The following AKAP13 variants were observed in gnomAD, a reference collection of about 807,000 sequenced individuals.
The protein encoded by AKAP13 is A-kinase anchoring protein 13, also known as A-kinase anchor protein 13.
A neutral mutation model predicts 264.5 loss-of-function variants in AKAP13; 80 were observed. The observed-to-expected ratio is 0.30, with a 90% CI of 0.25 to 0.36. AKAP13 has a LOEUF of 0.36. Ranked by LOEUF, AKAP13 falls within the 10% of genes least tolerant of loss-of-function variation. The pLI is 1.00. For synonymous variants in AKAP13, 1,380 were observed against 1,250.2 expected, an observed-to-expected ratio of 1.10 and a Z score of -2.19; for missense variants, 3,712 against 3,435.2, an observed-to-expected ratio of 1.08 and a Z score of -2.01.
intron 5 of AKAP13, chr15:85,555,577 C>T: frequency 1.1e-6 from 1 of 908,200 alleles, no homozygotes; most frequent in African/African-American, 1.7e-5. Flanking sequence ...TGTAACTCAA[C>T]CTGAAGCATC....
At chr15:85,476,685 C>G (rs1208670865) in intron 1 of AKAP13, among the ~76,000 whole-genome samples, 1 of 152,132 alleles carries the variant, frequency 6.6e-6, no homozygotes, top group Non-Finnish European at 1.5e-5. Flanking sequence ...TTGTCTCTGT[C>G]TCTGAATTAC....
rs535694833 is a variant in AKAP13 at position 85,690,649 on chromosome 15, C to T, written c.5290-2628C>T. 3.3e-5 allele frequency among the ~76,000 whole-genome samples: 5 copies of T among 152,300 alleles called. No homozygotes were observed. In the East Asian group the frequency reaches 7.7e-4, roughly 23 times the overall value. ...GAATCATAGATCTAGCAATTATTTACCATTTCATTACAGTGGTTGGGTTCT... is the reference window on the plus strand; with the variant it reads ...GAATCATAGATCTAGCAATTATTTATCATTTCATTACAGTGGTTGGGTTCT... On this transcript the variant is annotated intron_variant, in intron 16 of 36. Transcript: ENST00000394518.
At chr15:85,586,453 C>A (rs1355061346) in intron 8 of AKAP13, among the ~76,000 whole-genome samples, 2 of 152,150 alleles carry the variant, frequency 1.3e-5, no homozygotes, top group African/African-American at 4.8e-5. Context: ...ATCCACCTGC[C>A]TCAGCCTCCC....
At position 85,726,393 on chromosome 15, in the gene AKAP13, C is replaced by G. The variant is rs1432538072; in HGVS notation, c.6746-17C>G. On this transcript the variant is annotated splice_polypyrimidine_tract_variant and intron_variant, in intron 26 of 36. Coordinates refer to ENST00000394518, the MANE Select transcript of AKAP13 (RefSeq NM_007200.5). ...AGTCATCGTTTTATCTTCCCTTCTC[C>G]CATTTCCATTTTCCAGAGGTTCAAG... 3 of 1,606,636 alleles carry G rather than the reference C, an allele frequency of 1.9e-6. No homozygotes were observed. Among genetic ancestry groups the G allele is most frequent in the Non-Finnish European group, 2.6e-6 (3 of 1,175,122 alleles).
chr15:85,395,678 GTT>G (rs1187807796), intron 1 of AKAP13, among the ~76,000 whole-genome samples: 2 of 152,108 alleles, frequency 1.3e-5, no homozygotes, highest in African/African-American at 4.8e-5. Flanking sequence ...AACCTAGCTG[GTT>G]TCCAAACAAT....
chr15:85,662,787 C>A lies in AKAP13; in HGVS notation c.4800-1776C>A, dbSNP rs375507627. 5.9e-5 allele frequency among the ~76,000 whole-genome samples: 9 copies of A among 152,308 alleles called. No homozygotes were observed. In the East Asian group the frequency reaches 1.4e-3, roughly 23 times the overall value. On this transcript the variant is annotated intron_variant, in intron 12 of 36. Coordinates refer to ENST00000394518, the MANE Select transcript of AKAP13 (RefSeq NM_007200.5). Reference sequence around the variant, plus strand: ...GAAAACAATCAAAGAACCAAGGCAGCTAATAAGATGCACTGATTTCTATTA... The same window carrying A: ...GAAAACAATCAAAGAACCAAGGCAGATAATAAGATGCACTGATTTCTATTA...
chr15:85,494,135 C>A (rs2075808435), intron 2 of AKAP13, among the ~76,000 whole-genome samples: 1 of 152,200 alleles, frequency 6.6e-6, no homozygotes, highest in Non-Finnish European at 1.5e-5. Flanking sequence ...TCCTCTGGAA[C>A]AGATAAATTA....
intron 19 of AKAP13, among the ~76,000 whole-genome samples, chr15:85,711,020 T>A (rs976177726): frequency 1.4e-4 from 22 of 152,164 alleles, no homozygotes; most frequent in South Asian, 1.0e-3. Flanking sequence ...CTTTTTTTTT[T>A]TTATTATTTT....
intron 1 of AKAP13, among the ~76,000 whole-genome samples, chr15:85,472,228 C>T (rs752550888): frequency 9.9e-5 from 15 of 151,302 alleles, no homozygotes; most frequent in Non-Finnish European, 2.1e-4. Context: ...AAGCAGGAAG[C>T]TGGTGCAGTG....
At chr15:85,441,767 G>GTTT (rs58189804) in intron 1 of AKAP13, among the ~76,000 whole-genome samples, 2 of 150,096 alleles carry the variant, frequency 1.3e-5, no homozygotes, top group African/African-American at 4.9e-5. Flanking sequence ...TCTCTTAAAA[G>GTTT]TTTTTTTTTT....
intron 1 of AKAP13, among the ~76,000 whole-genome samples, chr15:85,475,620 C>T (rs1445648918): frequency 6.6e-6 from 1 of 152,226 alleles, no homozygotes; most frequent in Non-Finnish European, 1.5e-5. Flanking sequence ...AATTCCCCAG[C>T]TCTGGTCCCT....
At chr15:85,436,234 T>C (rs1596163870) in intron 1 of AKAP13, among the ~76,000 whole-genome samples, 2 of 75,088 alleles carry the variant, frequency 2.7e-5, no homozygotes, top group Non-Finnish European at 5.3e-5. Context: ...CATTACATAA[T>C]GGTAAAGGGA....
In AKAP13 at chr15:85,468,933, A is replaced by T. The variant is rs1364245346; in HGVS notation, c.-11-16777A>T. On this transcript the variant is annotated intron_variant, in intron 1 of 36. Coordinates refer to ENST00000394518, the MANE Select transcript of AKAP13 (RefSeq NM_007200.5). ...GGTGTGTAAATTTTTTTTTTTTTTT[A>T]ATCAGACTTTTGCTCTTGTCACCCA... Among the ~76,000 whole-genome samples the T allele has an allele frequency of 7.3e-4, 67 of 92,114 alleles. 15 individuals carry two copies. The highest frequency in any genetic ancestry group is 3.5e-3 in the African/African-American group (62 of 17,488). 60.4% of individuals were successfully genotyped at this position (92,114 alleles called of 152,430 possible).
intron 1 of AKAP13, among the ~76,000 whole-genome samples, chr15:85,435,804 C>T (rs1020930599): frequency 2.0e-5 from 3 of 149,220 alleles, no homozygotes; most frequent in Non-Finnish European, 4.5e-5. Context: ...CCTAAAAGAG[C>T]TCCTGAAGGA....
chr15:85,664,466 A>G (rs767630521), intron 12 of AKAP13, 97 bp from the exon 13 acceptor site: 18 of 1,236,664 alleles, frequency 1.5e-5, no homozygotes, highest in Non-Finnish European at 2.0e-5. Flanking sequence ...TAGAAATAAT[A>G]CACAAACAAG....
chr15:85,475,321 G>GCTTATGGTTCCCGTTTCCTT, intron 1 of AKAP13, among the ~76,000 whole-genome samples: 1 of 152,308 alleles, frequency 6.6e-6, no homozygotes, highest in African/African-American at 2.4e-5. Flanking sequence ...CCTCCTGGCA[G>GCTTATGGTTCCCGTTTCCTT]CTTATGGTTC....
At chr15:85,609,755 A>C (rs1369322567) in intron 8 of AKAP13, among the ~76,000 whole-genome samples, 1 of 152,192 alleles carries the variant, frequency 6.6e-6, no homozygotes, top group Non-Finnish European at 1.5e-5. Flanking sequence ...ACATTGTGCT[A>C]TTCCTCTGTC....
chr15:85,658,512 T>C (rs560150674), intron 11 of AKAP13, 25 bp from the exon 12 acceptor site: 2 of 1,612,930 alleles, frequency 1.2e-6, no homozygotes, highest in East Asian at 2.2e-5. Flanking sequence ...CCTGCAACAC[T>C]GACCTCTTCA....
At chr15:85,469,417 A>G (rs759691372) in intron 1 of AKAP13, among the ~76,000 whole-genome samples, 1 of 152,100 alleles carries the variant, frequency 6.6e-6, no homozygotes, top group Non-Finnish European at 1.5e-5. Context: ...ACCTCTTTCC[A>G]GGTAGTTCCA....
Sources: gnomAD v4.1 joint callset for allele counts (sites outside exome capture counted in the v4.1 genomes callset) on GRCh38, gnomAD v4.1.1 for gene constraint, MANE v1.5 for transcripts, NCBI Gene and HGNC (gene_info 2026-07-23, HGNC 2026-07-21) for gene names.